CSMD1: variants seen among roughly 807,000 people sequenced by gnomAD.
CSMD1 encodes the protein CUB and sushi domain-containing protein 1.
In CSMD1, 213 loss-of-function variants were observed where a neutral mutation model predicts 417.5. The observed-to-expected ratio is 0.51, with a 90% confidence interval of 0.46 to 0.57. The LOEUF is 0.57. Among genes scored for constraint, CSMD1 ranks in the 20% least tolerant of loss-of-function variants. The probability of loss-of-function intolerance (pLI) is 0.00; values close to 1 mark genes in which losing one functional copy is unlikely to be tolerated. For synonymous variants in CSMD1, 2,862 were observed against 1,736.8 expected (o/e 1.65, Z -16.11); for missense variants, 6,923 against 4,529.7 (o/e 1.53, Z -15.17).
chr8:4,961,520 G>T (rs912187998), intron 1 of CSMD1, among the ~76,000 whole-genome samples: 6 of 151,976 alleles, frequency 3.9e-5, no homozygotes, highest in African/African-American at 1.5e-4. Flanking sequence ...CCATTAGTTT[G>T]GCTAGTTTGA....
chr8:4,780,606 G>A (rs970148738), intron 1 of CSMD1, among the ~76,000 whole-genome samples: 3 of 152,050 alleles, frequency 2.0e-5, no homozygotes, highest in Non-Finnish European at 4.4e-5. Flanking sequence ...GGGTACAGGT[G>A]GTATTTGGTT....
At chr8:4,190,341 G>C (rs997420629) in intron 3 of CSMD1, among the ~76,000 whole-genome samples, 2 of 151,126 alleles carry the variant, frequency 1.3e-5, no homozygotes, top group African/African-American at 4.9e-5. Context: ...TTAGGGGCCA[G>C]TTAACTTCTA....
intron 3 of CSMD1, among the ~76,000 whole-genome samples, chr8:4,235,744 G>A (rs1278546587): frequency 1.3e-5 from 2 of 151,954 alleles, no homozygotes; most frequent in African/African-American, 2.4e-5. Flanking sequence ...AGTGTAATGA[G>A]GAAAAAATGT....
chr8:4,519,742 CAAAAAAAAAAAAAAAAAAAAAAAAAAAAA>C (rs57747377), intron 2 of CSMD1, among the ~76,000 whole-genome samples: 1 of 80,392 alleles, frequency 1.2e-5, no homozygotes, highest in Non-Finnish European at 2.3e-5. Context: ...GACTTCATCT[CAAAAAAAAAAAAAAAAAAAAAAAAAAAAA>C]AAAAAAAAAA....
intron 2 of CSMD1, among the ~76,000 whole-genome samples, chr8:4,443,986 A>C (rs1798633247): frequency 1.3e-5 from 2 of 152,168 alleles, no homozygotes; most frequent in Non-Finnish European, 2.9e-5. Flanking sequence ...GTGAAAATGT[A>C]CAAACGGAGT....
chr8:3,836,217 A>G (rs1192125847), intron 5 of CSMD1, among the ~76,000 whole-genome samples: 2 of 152,116 alleles, frequency 1.3e-5, no homozygotes, highest in African/African-American at 2.4e-5. Context: ...GTCATCGGAC[A>G]TTCTTTAAAT....
intron 1 of CSMD1, among the ~76,000 whole-genome samples, chr8:4,818,348 C>T (rs1258578385): frequency 2.0e-5 from 3 of 152,138 alleles, no homozygotes; most frequent in African/African-American, 4.8e-5. Flanking sequence ...CATTGCCTGC[C>T]ACAGTTTAAT....
intron 7 of CSMD1, among the ~76,000 whole-genome samples, chr8:3,669,549 T>G (rs749169855): frequency 6.6e-6 from 1 of 152,200 alleles, no homozygotes; most frequent in Non-Finnish European, 1.5e-5. Flanking sequence ...AACCTCAGGT[T>G]TTCAGAAGGA....
intron 3 of CSMD1, among the ~76,000 whole-genome samples, chr8:4,393,123 G>C (rs968439720): frequency 6.6e-6 from 1 of 151,992 alleles, no homozygotes; most frequent in Admixed American, 6.5e-5. Context: ...TTACAGGCGT[G>C]TGCCACCACG....
At chr8:4,138,807 T>G (rs948746806) in intron 3 of CSMD1, among the ~76,000 whole-genome samples, 1 of 152,222 alleles carries the variant, frequency 6.6e-6, no homozygotes, top group South Asian at 2.1e-4. Context: ...CATTTAATGG[T>G]ATTTTTTTGC....
rs112136941 is a variant in CSMD1, at chr8:4,027,669, T to G, written c.610+4236A>C. 8.8e-3 allele frequency among the ~76,000 whole-genome samples: 1,335 copies of G among 152,302 alleles called. 20 individuals carry two copies. Among genetic ancestry groups the G allele is most frequent in the African/African-American group, 0.031 (1,272 of 41,558 alleles). On this transcript the variant is annotated intron_variant, in intron 4 of 69. Coordinates refer to ENST00000635120, the MANE Select transcript of CSMD1 (RefSeq NM_033225.6). ...TCTCAGGTATTTCTTCATAGTAGCA[T>G]GATAACGGACTAATACAGATGACAA...
chr8:4,556,747 C>A (rs369921146), intron 2 of CSMD1, among the ~76,000 whole-genome samples: 1 of 152,130 alleles, frequency 6.6e-6, no homozygotes, highest in Admixed American at 6.6e-5. Context: ...ATCGCAAAGT[C>A]GAAAACCTCA....
At chr8:4,086,199 G>C (rs77019945) in intron 3 of CSMD1, among the ~76,000 whole-genome samples, 1 of 151,956 alleles carries the variant, frequency 6.6e-6, no homozygotes, top group East Asian at 1.9e-4. Flanking sequence ...AAACCTTACA[G>C]CTACAAAGTA....
intron 3 of CSMD1, among the ~76,000 whole-genome samples, chr8:4,282,614 G>A (rs986155381): frequency 6.6e-6 from 1 of 152,170 alleles, no homozygotes; most frequent in South Asian, 2.1e-4. Context: ...AGGGAGAAAG[G>A]TAGTTAGTAT....
intron 12 of CSMD1, among the ~76,000 whole-genome samples, chr8:3,448,772 A>T (rs1253048009): frequency 3.3e-5 from 5 of 152,178 alleles, no homozygotes; most frequent in Non-Finnish European, 7.3e-5. Context: ...AGCTTTAGAC[A>T]CTTCAGGCAA....
chr8:4,361,854 C>T (rs973012086), intron 3 of CSMD1, among the ~76,000 whole-genome samples: 1 of 152,074 alleles, frequency 6.6e-6, no homozygotes, highest in Admixed American at 6.5e-5. Context: ...ATTTGGGAGG[C>T]TAAGGCAGAA....
chr8:3,898,813 T>G (rs985110178), intron 5 of CSMD1, among the ~76,000 whole-genome samples: 2 of 152,194 alleles, frequency 1.3e-5, no homozygotes, highest in African/African-American at 4.8e-5. Context: ...TAAATTTAAT[T>G]AATAAATCAT....
chr8:4,107,295 C>A (rs754920848), intron 3 of CSMD1, among the ~76,000 whole-genome samples: 1 of 152,168 alleles, frequency 6.6e-6, no homozygotes, highest in Non-Finnish European at 1.5e-5. Context: ...GCTGCACTGC[C>A]TCATTTAGAA....
At chr8:3,408,834 G>A (rs950868121) in intron 13 of CSMD1, among the ~76,000 whole-genome samples, 6 of 151,712 alleles carry the variant, frequency 4.0e-5, no homozygotes, top group Admixed American at 6.6e-5. Context: ...GAAACTGTTG[G>A]ATTTATCTCT....
Sources: allele counts gnomAD v4.1 joint callset (sites outside exome capture counted in the v4.1 genomes callset), GRCh38; gene constraint gnomAD v4.1.1; transcripts MANE v1.5; gene names NCBI Gene and HGNC (gene_info 2026-07-23, HGNC 2026-07-21).